Variants in DBX2 observed in about 807,000 individuals in gnomAD.
DBX2 encodes the protein developing brain homeobox 2.
Under a neutral mutation model 17.7 loss-of-function variants are expected in DBX2, and 16 were observed. The observed-to-expected ratio is 0.90, with a 90% CI of 0.61 to 1.37. The LOEUF (loss-of-function observed/expected upper bound fraction) is 1.37. Among genes scored for constraint, DBX2 ranks in the 40% most tolerant of loss-of-function variants. The pLI is 0.00. For synonymous variants in DBX2, 255 were observed against 183.8 expected (o/e 1.39, Z -3.13); for missense variants, 538 against 433.8 (o/e 1.24, Z -2.13).
intron 2 of DBX2, among the ~76,000 whole-genome samples, chr12:45,027,184 A>C (rs989206647): frequency 6.6e-6 from 1 of 152,208 alleles, no homozygotes; most frequent in Admixed American, 6.5e-5. Flanking sequence ...ATTCAACGAA[A>C]TAAGATAACA....
intron 1 of DBX2, among the ~76,000 whole-genome samples, chr12:45,038,062 T>A (rs75396704): frequency 6.6e-6 from 1 of 152,186 alleles, no homozygotes; most frequent in East Asian, 1.9e-4. Flanking sequence ...ATAAATCATT[T>A]CATTTGAATT....
intron 3 of DBX2, among the ~76,000 whole-genome samples, chr12:45,018,767 A>G (rs939998541): frequency 6.6e-6 from 1 of 152,146 alleles, no homozygotes; most frequent in African/African-American, 2.4e-5. Flanking sequence ...ATAAATGGAT[A>G]AATAAAATGT....
chr12:45,041,082 G>A (rs2137030163), intron 1 of DBX2, among the ~76,000 whole-genome samples: 1 of 144,946 alleles, frequency 6.9e-6, no homozygotes, highest in Admixed American at 6.9e-5. Context: ...AAGAATGACA[G>A]GGAAGTAAAT....
chr12:45,022,309 T>G (rs1041097871), intron 3 of DBX2, among the ~76,000 whole-genome samples: 4 of 139,470 alleles, frequency 2.9e-5, no homozygotes, highest in Non-Finnish European at 6.2e-5. Context: ...TTTTTTTTTT[T>G]TTTTTTTTTT....
intron 3 of DBX2, among the ~76,000 whole-genome samples, 163 bp downstream of exon 3, chr12:45,023,544 G>C (rs959735069): frequency 1.3e-5 from 2 of 152,194 alleles, no homozygotes; most frequent in African/African-American, 4.8e-5. Flanking sequence ...TCAGGCTCCA[G>C]TACCATGCCT....
At position 45,050,805 on chromosome 12, in the gene DBX2, C is replaced by G; in HGVS notation, c.123G>C (p.Glu41Asp). The G allele has an allele frequency of 6.5e-7, 1 of 1,535,006 alleles. No homozygotes were observed. The highest frequency in any genetic ancestry group is 8.7e-7 in the Non-Finnish European group (1 of 1,143,036). The stretch of plus-strand genomic sequence containing the variant: ...GGGCGCCCCCGACCCGCAGCAAATT[C>G]TCGATCAGGAAACTCTTGCCCAGGT... Reference protein sequence around the residue: ...FGNLGKSFLIENLLRVGGAPT... With the variant: ...FGNLGKSFLIDNLLRVGGAPT... The change falls in exon 1 of 4, where the codon GAG becomes GAC. Residue 41 changes from glutamate (E) to aspartate (D), a missense_variant. By Grantham distance (45) the Glu-to-Asp change is conservative. Coordinates refer to ENST00000332700, the MANE Select transcript of DBX2 (RefSeq NM_001004329.3).
At chr12:45,028,596 C>G (rs146601360) in intron 2 of DBX2, among the ~76,000 whole-genome samples, 64 of 152,164 alleles carry the variant, frequency 4.2e-4, no homozygotes, top group African/African-American at 1.5e-3. Flanking sequence ...AGAAGATTCC[C>G]ATTAAGAGAG....
intron 3 of DBX2, among the ~76,000 whole-genome samples, chr12:45,019,166 A>G (rs752795132): frequency 1.2e-4 from 19 of 152,108 alleles, no homozygotes; most frequent in Non-Finnish European, 2.4e-4. Flanking sequence ...TTTTACCTCA[A>G]TAAAAAAAAG....
At chr12:45,033,224 C>T (rs1400987714) in intron 2 of DBX2, among the ~76,000 whole-genome samples, 3 of 152,130 alleles carry the variant, frequency 2.0e-5, no homozygotes, top group South Asian at 2.1e-4. Context: ...ATACTTCACT[C>T]GCGTAGTTAA....
chr12:45,048,448 A>G (rs1406805688), intron 1 of DBX2, among the ~76,000 whole-genome samples: 2 of 152,194 alleles, frequency 1.3e-5, no homozygotes, highest in Admixed American at 6.5e-5. Context: ...CCAGAACACC[A>G]AATCACTATT....
intron 1 of DBX2, among the ~76,000 whole-genome samples, chr12:45,050,020 C>T (rs1370583441): frequency 1.3e-5 from 2 of 152,144 alleles, no homozygotes; most frequent in Admixed American, 1.3e-4. Context: ...TTCCAAAGAT[C>T]TTTGCGCGCG....
chr12:45,020,832 T>C (rs1287484580), intron 3 of DBX2, among the ~76,000 whole-genome samples: 1 of 152,034 alleles, frequency 6.6e-6, no homozygotes, highest in Non-Finnish European at 1.5e-5. Flanking sequence ...TGTGTTATTA[T>C]ATGTTCATGC....
intron 2 of DBX2, among the ~76,000 whole-genome samples, chr12:45,034,742 T>C (rs939253424): frequency 6.6e-6 from 1 of 152,208 alleles, no homozygotes; most frequent in Non-Finnish European, 1.5e-5. Context: ...TACTGCTTTA[T>C]TTTTCAGTCA....
At chr12:45,031,225 T>TGTGTGTGTGTGTGTGTGTGTGTGAGA (rs1377897653) in intron 2 of DBX2, among the ~76,000 whole-genome samples, 6 of 85,622 alleles carry the variant, frequency 7.0e-5, no homozygotes, top group East Asian at 3.9e-4. Context: ...TGTGTGTGTG[T>TGTGTGTGTGTGTGTGTGTGTGTGAGA]GAGAGAGAGA....
At chr12:45,032,735 G>C (rs910306874) in intron 2 of DBX2, among the ~76,000 whole-genome samples, 3 of 152,076 alleles carry the variant, frequency 2.0e-5, no homozygotes, top group Admixed American at 6.6e-5. Flanking sequence ...TCTTTATAAT[G>C]CTGCTCCAAA....
intron 1 of DBX2, among the ~76,000 whole-genome samples, chr12:45,045,450 C>T (rs947206046): frequency 6.6e-6 from 1 of 152,198 alleles, no homozygotes; most frequent in African/African-American, 2.4e-5. Flanking sequence ...ATTTTATGAA[C>T]ACGATTAAAC....
chr12:45,016,659 G>C, intron 3 of DBX2, 41 bp from the exon 4 acceptor site: 2 of 1,496,892 alleles, frequency 1.3e-6, no homozygotes, highest in Non-Finnish European at 1.8e-6. Flanking sequence ...ACTTATTCCA[G>C]GTTATTTTAC....
chr12:45,046,830 A>G (rs960351555), intron 1 of DBX2, among the ~76,000 whole-genome samples: 1 of 152,206 alleles, frequency 6.6e-6, no homozygotes, highest in Non-Finnish European at 1.5e-5. Flanking sequence ...AGAAAAAAAA[A>G]TACTAATGCT....
chr12:45,031,364 G>A (rs918615922), intron 2 of DBX2, among the ~76,000 whole-genome samples: 4 of 152,066 alleles, frequency 2.6e-5, no homozygotes, highest in Non-Finnish European at 5.9e-5. Flanking sequence ...AATCTTGTAT[G>A]TGGGGGTGCC....
Sources: allele counts gnomAD v4.1 joint callset (sites outside exome capture counted in the v4.1 genomes callset), GRCh38; gene constraint gnomAD v4.1.1; transcripts MANE v1.5; gene names NCBI Gene and HGNC (gene_info 2026-07-23, HGNC 2026-07-21).